The following AFDN variants were observed in gnomAD, a reference collection of about 807,000 sequenced individuals.
AFDN encodes afadin, adherens junction formation factor.
In AFDN, 68 loss-of-function variants were observed where a neutral mutation model predicts 216.6. The ratio of observed to expected loss-of-function variants is 0.31; its 90% CI spans 0.26 to 0.38. The LOEUF (loss-of-function observed/expected upper bound fraction) is 0.38. AFDN is among the 10% of genes least tolerant of loss of function. The pLI is 1.00. For missense variants in AFDN, 2,136 were observed against 2,342.0 expected, an observed-to-expected ratio of 0.91 and a Z score of 1.82; for synonymous variants, 868 against 853.7, an observed-to-expected ratio of 1.02 and a Z score of -0.29.
Position 167,970,583 on chromosome 6 carries a change from C to A in AFDN, c.*648C>A, listed in dbSNP as rs954210527. 33 of 212,602 alleles carry A rather than the reference C, an allele frequency of 1.6e-4. No individual in the cohort carries two copies. The East Asian group carries it at 2.3e-3, about 15-fold the overall frequency. 13.2% of individuals were successfully genotyped at this position (212,602 alleles called of 1,614,324 possible). A position where few individuals can be genotyped will look rare whatever the true frequency, so the allele number is the denominator to read the frequency against. The stretch of plus-strand genomic sequence containing the variant: ...ATCTCATTCCTCGCAAATTTGAGCT[C>A]TTCTGATCAATTCTAAATATTTGAT... On this transcript the variant is annotated 3_prime_UTR_variant, in exon 34 of 34. Transcript: ENST00000683244.
chr6:167,913,619 C>G (rs1790682976), intron 16 of AFDN, 196 bp downstream of exon 16: 1 of 570,674 alleles, frequency 1.8e-6, no homozygotes, highest in Non-Finnish European at 3.1e-6. Flanking sequence ...GCTTAATGCA[C>G]TTCAGTGTGG....
At position 167,951,810 on chromosome 6, in the gene AFDN, C is replaced by T. The variant is rs752078650; in HGVS notation, c.4456C>T (p.Arg1486Trp). Residue 1486 changes from arginine to tryptophan, a missense_variant, in exon 30 of 34, where the codon CGG becomes TGG. Physicochemically the swap from Arg to Trp is moderately radical, Grantham distance 101. Around this residue, in one of 8 missense-constraint regions of AFDN, gnomAD observed 981 missense variants for 966.0 expected, o/e 1.02. Coordinates refer to ENST00000683244, the MANE Select transcript of AFDN (RefSeq NM_001386888.1). The surrounding 1 kb of genome is among the most constrained non-coding windows in gnomAD (Gnocchi z 7.1). ...TLQRPQETVI[R>W]ELQPQQQPRT... ...CCAGCGGCCACAGGAAACAGTCATT[C>T]GGGAGCTGCAGCCTCAGCAGCAGCC... 3.7e-6 allele frequency: 6 copies of T among 1,613,980 alleles called. No homozygotes were observed. The Admixed American group carries it at 5.0e-5, about 13-fold the overall frequency.
rs79827663 is a variant in AFDN, at chr6:167,920,577, A to T, written c.2908+1644A>T. ...TTTTTCATTGTATTCTATTGTTCATATTGCCATGGTATCTTAAAACCATGG... is the reference window on the plus strand; with the variant it reads ...TTTTTCATTGTATTCTATTGTTCATTTTGCCATGGTATCTTAAAACCATGG... On this transcript the variant is annotated intron_variant, in intron 21 of 33. Coordinates refer to ENST00000683244, the MANE Select transcript of AFDN (RefSeq NM_001386888.1). Among the ~76,000 whole-genome samples the T allele has an allele frequency of 4.3e-3, 652 of 152,088 alleles. 3 individuals carry two copies. Among genetic ancestry groups the T allele is most frequent in the African/African-American group, 0.015 (623 of 41,486 alleles).
At position 167,893,677 on chromosome 6, in the gene AFDN, A is replaced by G. The variant is rs1392300438; in HGVS notation, c.1178-185A>G. On this transcript the variant is annotated intron_variant, in intron 8 of 33. Transcript: ENST00000683244. ...TGGTTTCTAAAACACTGACTGGGGC[A>G]CTAGTATAGTCTTGTCCTCACAAAA... is the stretch of plus-strand genomic sequence containing the variant. 7.0e-6 allele frequency: 4 copies of G among 568,954 alleles called. No homozygotes were observed. The Admixed American group carries it at 1.2e-4, about 17-fold the overall frequency. 35.2% of individuals were successfully genotyped at this position (568,954 alleles called of 1,614,324 possible).
At chr6:167,868,148 T>G (rs142706804) in intron 2 of AFDN, among the ~76,000 whole-genome samples, 2 of 152,210 alleles carry the variant, frequency 1.3e-5, no homozygotes, top group Non-Finnish European at 2.9e-5. Flanking sequence ...TCGTTTGTAC[T>G]GCCTCATCTA....
At chr6:167,855,452 G>A (rs946385110) in intron 1 of AFDN, among the ~76,000 whole-genome samples, 4 of 152,058 alleles carry the variant, frequency 2.6e-5, no homozygotes, top group African/African-American at 9.7e-5. Context: ...AAAAAAGTAG[G>A]TGAGTTCAGA....
chr6:167,895,351 TA>T (rs1274158736), intron 9 of AFDN, among the ~76,000 whole-genome samples: 2 of 152,206 alleles, frequency 1.3e-5, no homozygotes, highest in African/African-American at 4.8e-5. Context: ...TCAGCAGGTC[TA>T]GAAGGGAGCT....
At chr6:167,869,667 C>G (rs960246547) in intron 2 of AFDN, among the ~76,000 whole-genome samples, 1 of 152,178 alleles carries the variant, frequency 6.6e-6, no homozygotes, top group African/African-American at 2.4e-5. Flanking sequence ...TCCACAGCTT[C>G]CAGCGACCGT....
chr6:167,873,197 C>T (rs1209803996), intron 4 of AFDN, among the ~76,000 whole-genome samples: 8 of 152,104 alleles, frequency 5.3e-5, no homozygotes, highest in Non-Finnish European at 7.4e-5. Context: ...GGGTGAAGAA[C>T]GTAAAGAACT....
intron 29 of AFDN, among the ~76,000 whole-genome samples, chr6:167,950,567 A>G (rs939275301): frequency 6.6e-6 from 1 of 152,234 alleles, no homozygotes; most frequent in African/African-American, 2.4e-5. Context: ...ATTACTGTGC[A>G]CAGCTCTGTC....
chr6:167,839,164 A>G (rs992420492), intron 1 of AFDN, among the ~76,000 whole-genome samples: 5 of 152,182 alleles, frequency 3.3e-5, no homozygotes, highest in African/African-American at 7.2e-5. Context: ...TATTAGTGTA[A>G]TGGCATCTTA....
intron 2 of AFDN, among the ~76,000 whole-genome samples, chr6:167,866,704 G>A (rs1784227555): frequency 6.6e-6 from 1 of 152,188 alleles, no homozygotes; most frequent in African/African-American, 2.4e-5. Context: ...AGTACTGCTT[G>A]TTTATTACAG....
intron 23 of AFDN, among the ~76,000 whole-genome samples, chr6:167,931,685 A>T (rs1793321451): frequency 6.6e-6 from 1 of 152,052 alleles, no homozygotes; most frequent in South Asian, 2.1e-4. Context: ...TGTATAGTTG[A>T]TAGGTATGTG....
chr6:167,934,831 C>T (rs151077757), intron 23 of AFDN, among the ~76,000 whole-genome samples: 1,549 of 152,262 alleles, frequency 0.01, 29 homozygotes, highest in African/African-American at 0.035. Flanking sequence ...CCTCCCTGTG[C>T]GTGTGGGGAG....
At chr6:167,829,347 C>T (rs1779576707) in intron 1 of AFDN, among the ~76,000 whole-genome samples, 1 of 151,976 alleles carries the variant, frequency 6.6e-6, no homozygotes, top group East Asian at 1.9e-4. Context: ...CATATTGTAT[C>T]TTTTATTATG....
intron 13 of AFDN, among the ~76,000 whole-genome samples, chr6:167,909,458 A>G (rs1317847868): frequency 6.6e-6 from 1 of 152,162 alleles, no homozygotes; most frequent in Non-Finnish European, 1.5e-5. Flanking sequence ...ATCTGTAATC[A>G]TCATAAGTTA....
At chr6:167,894,901 A>T (rs778583090) in intron 9 of AFDN, among the ~76,000 whole-genome samples, 2 of 152,178 alleles carry the variant, frequency 1.3e-5, no homozygotes, top group Non-Finnish European at 1.5e-5. Context: ...CACATTTTTC[A>T]TGTTCTGTTT....
chr6:167,948,884 G>A (rs542172114), intron 29 of AFDN, among the ~76,000 whole-genome samples: 114 of 152,372 alleles, frequency 7.5e-4, no homozygotes, highest in Non-Finnish European at 1.1e-3. Context: ...AGAGGCCCCA[G>A]CAGGGGATGG....
At chr6:167,914,337 G>A (rs769765110) in intron 17 of AFDN, 24 bp downstream of exon 17, 14 of 1,610,232 alleles carry the variant, frequency 8.7e-6, no homozygotes, top group Admixed American at 8.4e-5. Flanking sequence ...TTTTGAAGGC[G>A]GCACTACTCT....
Sources: allele counts gnomAD v4.1 joint callset (sites outside exome capture counted in the v4.1 genomes callset), GRCh38; gene constraint gnomAD v4.1.1; regional missense constraint gnomAD v4.1.1; non-coding constraint Gnocchi (gnomAD v3.1); transcripts MANE v1.5; gene names NCBI Gene and HGNC (gene_info 2026-07-23, HGNC 2026-07-21).